GIMAP6: variants seen among roughly 807,000 people sequenced by gnomAD.
GIMAP6 encodes GTPase IMAP family member 6.
In GIMAP6, 6 loss-of-function variants were observed where a neutral mutation model predicts 9.3. The ratio of observed to expected loss-of-function variants is 0.65; its 90% CI spans 0.35 to 1.27. The LOEUF (loss-of-function observed/expected upper bound fraction) is 1.27, where lower values mean the gene tolerates loss of function less well. Among genes scored for constraint, GIMAP6 ranks in the 50% most tolerant of loss-of-function variants. GIMAP6 has a pLI of 0.03. For missense variants in GIMAP6, 333 were observed against 359.5 expected, an observed-to-expected ratio of 0.93 and a Z score of 0.60; for synonymous variants, 156 against 151.1, an observed-to-expected ratio of 1.03 and a Z score of -0.24.
rs937165633 is a variant in GIMAP6 at position 150,627,499 on chromosome 7, G to A, written c.*220C>T. 6.6e-6 allele frequency: 4 copies of A among 608,224 alleles called. No homozygotes were observed. The African/African-American group carries it at 7.4e-5, about 11-fold the overall frequency. 37.7% of individuals were successfully genotyped at this position (608,224 alleles called of 1,614,324 possible). ...GAAGACAGCGTGCTGTTGGGGCACA[G>A]AGGAGGGAGGACCCAGATGTTCTGG... On this transcript the variant is annotated 3_prime_UTR_variant, in exon 3 of 3. Coordinates refer to ENST00000328902, the MANE Select transcript of GIMAP6 (RefSeq NM_024711.6).
Position 150,628,357 on chromosome 7 carries a change from T to C in GIMAP6, c.241A>G (p.Arg81Gly). The C allele has an allele frequency of 6.2e-7, 1 of 1,614,126 alleles. No homozygotes were observed. The highest frequency in any genetic ancestry group is 8.5e-7 in the Non-Finnish European group (1 of 1,179,970). The change falls in exon 3 of 3, where the codon AGA becomes GGA. Residue 81 changes from arginine (R) to glycine (G), a missense_variant. Arg to Gly is a moderately radical substitution (Grantham distance 125). Coordinates refer to ENST00000328902, the MANE Select transcript of GIMAP6 (RefSeq NM_024711.6). ...TTCCCAGCCCACTCTCGGCTCCGTCTCTGGGAGGTCTTGGTCACGGGTCTG... is the reference window on the plus strand; with the variant it reads ...TTCCCAGCCCACTCTCGGCTCCGTCCCTGGGAGGTCTTGGTCACGGGTCTG... ...STRPVTKTSQ[R>G]RSREWAGKEL...
intron 2 of GIMAP6, 88 bp from the exon 3 acceptor site, chr7:150,628,600 C>T: frequency 6.3e-7 from 1 of 1,595,842 alleles, no homozygotes; most frequent in Non-Finnish European, 8.5e-7. Context: ...GGGTGTACCC[C>T]CAGACTGCAG....
Position 150,627,976 on chromosome 7 carries a change from G to C in GIMAP6, c.622C>G (p.Gln208Glu), listed in dbSNP as rs772076874. 6.2e-7 allele frequency: 1 copy of C among 1,614,134 alleles called. No homozygotes were observed. The highest frequency in any genetic ancestry group is 1.3e-5 in the African/African-American group (1 of 74,950). The change falls in exon 3 of 3, where the codon CAG (glutamine) becomes GAG (glutamate). Residue 208 changes from glutamine (Q) to glutamate (E), a missense_variant. By Grantham distance (29) the Gln-to-Glu change is conservative (BLOSUM62 2). Coordinates refer to ENST00000328902, the MANE Select transcript of GIMAP6 (RefSeq NM_024711.6). ...ATGAGCTCTCGCAGTTGGGCCTCCT[G>C]CTCCTCCCCCTGTGCCCTGTTGTTG... ...GFNNRAQGEE[Q>E]EAQLRELMEK...
chr7:150,629,999 T>A (rs879907905), intron 2 of GIMAP6, 59 bp downstream of exon 2: 161 of 1,106,522 alleles, frequency 1.5e-4, no homozygotes, highest in Non-Finnish European at 2.1e-4. Flanking sequence ...GTGGTGGAGC[T>A]GTGTCCCACC....
At chr7:150,631,931 C>T (rs1749102366) in intron 1 of GIMAP6, among the ~76,000 whole-genome samples, 1 of 152,016 alleles carries the variant, frequency 6.6e-6, no homozygotes, top group South Asian at 2.1e-4. Context: ...CACACATACA[C>T]AAAACACATG....
chr7:150,628,295 G>A lies in GIMAP6; in HGVS notation c.303C>T (p.Ser101=). ...CTGCCACCTCTGGCGAGACCTGGGGGGACAGAATGTTGGGTGTGTCAATCA... is the reference window on the plus strand; with the variant it reads ...CTGCCACCTCTGGCGAGACCTGGGGAGACAGAATGTTGGGTGTGTCAATCA... ...LEVIDTPNIL[S]PQVSPEVADA... The change falls in exon 3 of 3, where the codon TCC becomes TCT. Residue 101 remains serine, a synonymous_variant. Transcript: ENST00000328902. 1 of 1,614,174 alleles carries A rather than the reference G, an allele frequency of 6.2e-7. No homozygotes were observed. The highest frequency in any genetic ancestry group is 8.5e-7 in the Non-Finnish European group (1 of 1,180,020).
At chr7:150,631,189 G>C (rs772030492) in intron 1 of GIMAP6, among the ~76,000 whole-genome samples, 15 of 152,158 alleles carry the variant, frequency 9.9e-5, no homozygotes, top group Non-Finnish European at 1.9e-4. Flanking sequence ...TTAGATGTTT[G>C]TTCTATTCTG....
At chr7:150,629,242 A>C (rs1286001704) in intron 2 of GIMAP6, among the ~76,000 whole-genome samples, 1 of 152,188 alleles carries the variant, frequency 6.6e-6, no homozygotes, top group East Asian at 1.9e-4. Flanking sequence ...CAAATGCATC[A>C]CTTGAGCTCT....
chr7:150,628,225 C>G lies in GIMAP6; in HGVS notation c.373G>C (p.Ala125Pro). 6.2e-7 allele frequency: 1 copy of G among 1,614,142 alleles called. No homozygotes were observed. ...AIVLSAPGPHAVLLVTQLGRF... is the reference protein window; with the variant it reads ...AIVLSAPGPHPVLLVTQLGRF... ...CCCAGTTGTGTCACCAGGAGCACGG[C>G]GTGGGGCCCTGGGGCGGATAAGACG... Residue 125 changes from alanine to proline, a missense_variant, in exon 3 of 3, where the codon GCC becomes CCC. Physicochemically the swap from Ala to Pro is conservative, Grantham distance 27. Coordinates refer to ENST00000328902, the MANE Select transcript of GIMAP6 (RefSeq NM_024711.6).
chr7:150,628,013 G>T lies in GIMAP6; in HGVS notation c.585C>A (p.Arg195=). The T allele has an allele frequency of 4.3e-6, 7 of 1,614,254 alleles. No individual in the cohort carries two copies. The highest frequency in any genetic ancestry group is 4.2e-6 in the Non-Finnish European group (5 of 1,180,044). ...GTGCCCTGTTGTTGAAGCCGCAATGGCGCCGTGCAAGGGTCACATCCAGCC... is the reference window on the plus strand; with the variant it reads ...GTGCCCTGTTGTTGAAGCCGCAATGTCGCCGTGCAAGGGTCACATCCAGCC... ...LAWLDVTLAR[R]HCGFNNRAQG... is the part of the protein sequence containing the mutation. Residue 195 remains arginine (R), a synonymous_variant, in exon 3 of 3, where the codon CGC becomes CGA. Coordinates refer to ENST00000328902, the MANE Select transcript of GIMAP6 (RefSeq NM_024711.6).
intron 1 of GIMAP6, 122 bp from the exon 2 acceptor site, chr7:150,630,264 T>G: frequency 1.5e-6 from 1 of 680,776 alleles, no homozygotes; most frequent in Non-Finnish European, 2.4e-6. Context: ...AGTTTAGGGT[T>G]GGGGTGGGAC....
Position 150,628,377 on chromosome 7 carries a change from G to A in GIMAP6, c.221C>T (p.Pro74Leu), listed in dbSNP as rs1796336516. ...CCGTCTCTGGGAGGTCTTGGTCACG[G>A]GTCTGGTGCTGAGTTTAGACTCGAA... ...DVFESKLSTR[P>L]VTKTSQRRSR... The change falls in exon 3 of 3, where the codon CCC (proline) becomes CTC (leucine). Residue 74 changes from proline to leucine, a missense_variant. By Grantham distance (98) the Pro-to-Leu change is moderately conservative. Transcript: ENST00000328902. 1 of 1,614,128 alleles carries A rather than the reference G, an allele frequency of 6.2e-7. No individual in the cohort carries two copies. Among genetic ancestry groups the A allele is most frequent in the Non-Finnish European group, 8.5e-7 (1 of 1,180,008 alleles).
At chr7:150,631,146 C>T (rs1045886808) in intron 1 of GIMAP6, among the ~76,000 whole-genome samples, 16 of 152,164 alleles carry the variant, frequency 1.1e-4, no homozygotes, top group African/African-American at 3.6e-4. Context: ...TCCAGGGGAA[C>T]CTGATAGACA....
chr7:150,627,976 G>T lies in GIMAP6; in HGVS notation c.622C>A (p.Gln208Lys). 6.2e-7 allele frequency: 1 copy of T among 1,614,252 alleles called. No homozygotes were observed. The highest frequency in any genetic ancestry group is 1.6e-4 in the Middle Eastern group (1 of 6,062). The change falls in exon 3 of 3, where the codon CAG becomes AAG. Residue 208 changes from glutamine (Q) to lysine (K), a missense_variant. Physicochemically the swap from Gln to Lys is moderately conservative, Grantham distance 53. Transcript: ENST00000328902. The stretch of plus-strand genomic sequence containing the variant: ...ATGAGCTCTCGCAGTTGGGCCTCCT[G>T]CTCCTCCCCCTGTGCCCTGTTGTTG... ...GFNNRAQGEE[Q>K]EAQLRELMEK...
intron 2 of GIMAP6, among the ~76,000 whole-genome samples, chr7:150,629,750 A>G (rs1190245515): frequency 1.3e-5 from 2 of 152,200 alleles, no homozygotes; most frequent in Non-Finnish European, 2.9e-5. Flanking sequence ...CACTGTCAGC[A>G]CATCCATCCT....
At chr7:150,630,993 A>T (rs912775059) in intron 1 of GIMAP6, among the ~76,000 whole-genome samples, 1 of 152,104 alleles carries the variant, frequency 6.6e-6, no homozygotes, top group African/African-American at 2.4e-5. Context: ...CCAAGATCCC[A>T]TAAGGTTCTC....
At chr7:150,631,880 C>A (rs538634839) in intron 1 of GIMAP6, among the ~76,000 whole-genome samples, 1 of 152,246 alleles carries the variant, frequency 6.6e-6, no homozygotes, top group South Asian at 2.1e-4. Context: ...TATCACATTA[C>A]AAACCTGCAC....
rs1360416322 is a variant in GIMAP6 at position 150,631,255 on chromosome 7, T to C, written c.-1+914A>G. On this transcript the variant is annotated intron_variant, in intron 1 of 2. Transcript: ENST00000328902. The stretch of plus-strand genomic sequence containing the variant: ...GATCCCAGAAGTATATATGCGGATA[T>C]TGCTTTATGATTGGTAAAGATCAAT... Among the ~76,000 whole-genome samples, 4 of 152,198 alleles carry C rather than the reference T, an allele frequency of 2.6e-5. No individual in the cohort carries two copies. In the East Asian group the frequency reaches 7.7e-4, roughly 29 times the overall value.
Position 150,626,683 on chromosome 7 carries a change from T to C in GIMAP6, c.*1036A>G, listed in dbSNP as rs1332643526. The C allele has an allele frequency of 5.2e-5, 8 of 152,392 alleles. No individual in the cohort carries two copies. The highest frequency in any genetic ancestry group is 1.9e-4 in the African/African-American group (8 of 41,474). 9.4% of individuals were successfully genotyped at this position (152,392 alleles called of 1,614,324 possible). ...TCCTTTGCAGGCCCCCTTTCTTCCC[T>C]GCCTCCTTGCATTGGACCCCCACAA... On this transcript the variant is annotated 3_prime_UTR_variant, in exon 3 of 3. Coordinates refer to ENST00000328902, the MANE Select transcript of GIMAP6 (RefSeq NM_024711.6).
Sources: gnomAD v4.1 joint callset for allele counts (sites outside exome capture counted in the v4.1 genomes callset) on GRCh38, gnomAD v4.1.1 for gene constraint, MANE v1.5 for transcripts, NCBI Gene and HGNC (gene_info 2026-07-23, HGNC 2026-07-21) for gene names.